The following PTPRB variants were observed in gnomAD, a reference collection of about 807,000 sequenced individuals.
PTPRB encodes the protein receptor-type tyrosine-protein phosphatase beta.
PTPRB carries 97 observed loss-of-function variants against 238.1 expected under a neutral mutation model. The ratio of observed to expected loss-of-function variants is 0.41; its 90% CI spans 0.35 to 0.48. PTPRB has a LOEUF of 0.48. Ranked by LOEUF, PTPRB falls within the 20% of genes least tolerant of loss-of-function variation. The pLI is 0.30. For synonymous variants in PTPRB, 970 were observed against 995.4 expected, an observed-to-expected ratio of 0.97 and a Z score of 0.48; for missense variants, 2,292 against 2,681.9, an observed-to-expected ratio of 0.85 and a Z score of 3.21.
In PTPRB at chr12:70,636,340, T is replaced by C. The variant is rs370076358; in HGVS notation, c.56-274A>G. On this transcript the variant is annotated intron_variant, in intron 1 of 33. Transcript: ENST00000334414. ...TTAGGGGAAAAAAGCACACCTCTTA[T>C]TGGAAAATGAAAGGAAGCTTGGAAA... Among the ~76,000 whole-genome samples the C allele has an allele frequency of 3.9e-5, 6 of 152,054 alleles. No individual in the cohort carries two copies. The South Asian group carries it at 1.2e-3, about 32-fold the overall frequency.
At chr12:70,633,548 C>G (rs1021950554) in intron 2 of PTPRB, among the ~76,000 whole-genome samples, 50 of 152,014 alleles carry the variant, frequency 3.3e-4, no homozygotes, top group African/African-American at 1.2e-3. Context: ...TGTGTTAAAG[C>G]AAAAGTATGT....
intron 2 of PTPRB, among the ~76,000 whole-genome samples, chr12:70,634,300 T>C (rs1885587076): frequency 6.6e-6 from 1 of 152,200 alleles, no homozygotes; most frequent in Non-Finnish European, 1.5e-5. Context: ...CAGTGGATGC[T>C]GATCTCCATA....
At position 70,572,131 on chromosome 12, in the gene PTPRB, G is replaced by A. The variant is rs777217554; in HGVS notation, c.2843-44C>T. 4.0e-6 allele frequency: 6 copies of A among 1,507,620 alleles called. No homozygotes were observed. In the Admixed American group the frequency reaches 7.5e-5, roughly 19 times the overall value. The allele number at this position is 1,507,620 out of a possible 1,614,324, so 93.4% of individuals were successfully genotyped here. On this transcript the variant is annotated intron_variant, in intron 11 of 33. Coordinates refer to ENST00000334414, the MANE Select transcript of PTPRB (RefSeq NM_001109754.4). ...GTAACTAAATATTTATGAATTCTGA[G>A]TGAGTAATTGATCACAGATGACAAG...
At chr12:70,555,420 G>T in intron 19 of PTPRB, 111 bp from the exon 20 acceptor site, 2 of 1,000,144 alleles carry the variant, frequency 2.0e-6, no homozygotes, top group African/African-American at 1.6e-5. Context: ...GACTGTGTGT[G>T]TGTGAGCGTG....
At chr12:70,624,831 T>G (rs1885104221) in intron 2 of PTPRB, among the ~76,000 whole-genome samples, 1 of 152,178 alleles carries the variant, frequency 6.6e-6, no homozygotes, top group Admixed American at 6.5e-5. Context: ...TCTTCTTCAC[T>G]AAAGAGCTGT....
chr12:70,633,354 C>G (rs533142085), intron 2 of PTPRB, among the ~76,000 whole-genome samples: 3 of 152,092 alleles, frequency 2.0e-5, no homozygotes, highest in Non-Finnish European at 4.4e-5. Context: ...GTGGGAGGAT[C>G]ACTTGAGCCC....
chr12:70,572,770 T>A (rs1184425761), intron 11 of PTPRB, among the ~76,000 whole-genome samples: 1 of 81,400 alleles, frequency 1.2e-5, no homozygotes, highest in Non-Finnish European at 2.5e-5. Context: ...CAAGACTCCA[T>A]CTCATAAAAA....
chr12:70,595,423 A>T (rs541699849), intron 5 of PTPRB, among the ~76,000 whole-genome samples: 2 of 152,342 alleles, frequency 1.3e-5, no homozygotes, highest in South Asian at 2.1e-4. Flanking sequence ...TGTTCTGCAC[A>T]TGTATCCCAG....
chr12:70,523,055 G>T (rs1288417575), intron 33 of PTPRB, among the ~76,000 whole-genome samples: 1 of 151,160 alleles, frequency 6.6e-6, no homozygotes, highest in Non-Finnish European at 1.5e-5. Flanking sequence ...TAGAGATGGG[G>T]TTTCGTCATG....
At chr12:70,551,806 A>G (rs978651015) in intron 21 of PTPRB, among the ~76,000 whole-genome samples, 17 of 152,050 alleles carry the variant, frequency 1.1e-4, no homozygotes, top group Non-Finnish European at 2.5e-4. Flanking sequence ...TTGGGATGCT[A>G]TATACTTCTG....
chr12:70,531,596 A>T (rs1232811380), intron 32 of PTPRB, among the ~76,000 whole-genome samples: 1 of 152,160 alleles, frequency 6.6e-6, no homozygotes, highest in Non-Finnish European at 1.5e-5. Flanking sequence ...AGAATATAAT[A>T]TGTCTCGCTT....
At chr12:70,597,397 G>A (rs1439918735) in intron 4 of PTPRB, among the ~76,000 whole-genome samples, 2 of 152,136 alleles carry the variant, frequency 1.3e-5, no homozygotes, top group African/African-American at 2.4e-5. Flanking sequence ...CTCCACCATT[G>A]AACTTGAATA....
At chr12:70,564,112 C>G (rs533931892) in intron 15 of PTPRB, among the ~76,000 whole-genome samples, 1 of 152,206 alleles carries the variant, frequency 6.6e-6, no homozygotes, top group Non-Finnish European at 1.5e-5. Flanking sequence ...TTGGCATTGG[C>G]TCTGCTTATA....
intron 6 of PTPRB, among the ~76,000 whole-genome samples, chr12:70,592,929 G>T (rs576083404): frequency 4.6e-5 from 7 of 152,156 alleles, no homozygotes; most frequent in South Asian, 2.1e-4. Flanking sequence ...GACCTACAAT[G>T]GTCCTTTCCA....
At chr12:70,563,189 A>T in intron 15 of PTPRB, 82 bp from the exon 16 acceptor site, 1 of 1,337,438 alleles carries the variant, frequency 7.5e-7, no homozygotes. Context: ...GGAAAAGCAA[A>T]CAGAAAGAGG....
At chr12:70,553,657 AG>A (rs1472385762) in intron 20 of PTPRB, among the ~76,000 whole-genome samples, 1 of 152,204 alleles carries the variant, frequency 6.6e-6, no homozygotes, top group African/African-American at 2.4e-5. Flanking sequence ...TGTTGGCTGG[AG>A]AAAAGCGTAA....
chr12:70,626,977 A>G (rs1885233296), intron 2 of PTPRB, among the ~76,000 whole-genome samples: 1 of 152,198 alleles, frequency 6.6e-6, no homozygotes, highest in South Asian at 2.1e-4. Flanking sequence ...AAATTAATAA[A>G]TGGAAATTGA....
intron 2 of PTPRB, 65 bp from the exon 3 acceptor site, chr12:70,622,711 C>T: frequency 6.8e-7 from 1 of 1,469,166 alleles, no homozygotes; most frequent in Non-Finnish European, 9.1e-7. Context: ...CACATAAAAT[C>T]AATTTTACTT....
intron 2 of PTPRB, among the ~76,000 whole-genome samples, chr12:70,625,322 G>C (rs1404659154): frequency 6.6e-6 from 1 of 152,134 alleles, no homozygotes; most frequent in Non-Finnish European, 1.5e-5. Context: ...TTGAAGCCTT[G>C]GTCCTGCTCC....
Sources: allele counts gnomAD v4.1 joint callset (sites outside exome capture counted in the v4.1 genomes callset), GRCh38; gene constraint gnomAD v4.1.1; transcripts MANE v1.5; gene names NCBI Gene and HGNC (gene_info 2026-07-23, HGNC 2026-07-21).